The following CLCN3 variants were observed in gnomAD, a reference collection of about 807,000 sequenced individuals.
CLCN3 encodes H(+)/Cl(-) exchange transporter 3.
In CLCN3, 16 loss-of-function variants were observed where a neutral mutation model predicts 83.4. That is an observed-to-expected ratio of 0.19 (90% confidence interval 0.13 to 0.29). The LOEUF is 0.29. Among genes scored for constraint, CLCN3 ranks in the 10% least tolerant of loss-of-function variants. The pLI is 1.00. For missense variants in CLCN3, 544 were observed against 1,006.0 expected (o/e 0.54, Z 6.21); for synonymous variants, 322 against 346.2 (o/e 0.93, Z 0.78).
At chr4:169,661,774 C>T (rs185962098) in intron 2 of CLCN3, among the ~76,000 whole-genome samples, 12 of 152,204 alleles carry the variant, frequency 7.9e-5, no homozygotes, top group Admixed American at 3.9e-4. Flanking sequence ...CTTGTAATCA[C>T]ACCACCCAGA....
At chr4:169,653,336 C>T (rs1156708324) in intron 2 of CLCN3, among the ~76,000 whole-genome samples, 1 of 151,822 alleles carries the variant, frequency 6.6e-6, no homozygotes, top group African/African-American at 2.4e-5. Context: ...TGAGGCCGGA[C>T]AATTTATAAA....
chr4:169,635,869 T>C, intron 1 of CLCN3, 44 bp from the exon 2 acceptor site: 1 of 1,442,156 alleles, frequency 6.9e-7, no homozygotes, highest in Non-Finnish European at 9.3e-7. Flanking sequence ...ATGATTTTTA[T>C]TGTATGTTTG....
chr4:169,702,824 T>C, intron 9 of CLCN3: 2 of 286,796 alleles, frequency 7.0e-6, no homozygotes, highest in South Asian at 3.4e-5. Flanking sequence ...GGTGCACGCC[T>C]GTAGTCCCAG....
intron 2 of CLCN3, among the ~76,000 whole-genome samples, chr4:169,649,527 G>T (rs1730674506): frequency 6.6e-6 from 1 of 152,194 alleles, no homozygotes. Flanking sequence ...ATTCAAAATA[G>T]ATTTAGGAGT....
chr4:169,660,138 A>G (rs2150218798), intron 2 of CLCN3: 1 of 1,106,708 alleles, frequency 9.0e-7, no homozygotes, highest in Non-Finnish European at 1.1e-6. Context: ...TGCCGCCTCT[A>G]AGCCTTGCTA....
At chr4:169,673,310 CCA>C (rs1731549917) in intron 2 of CLCN3, among the ~76,000 whole-genome samples, 1 of 152,182 alleles carries the variant, frequency 6.6e-6, no homozygotes, top group Admixed American at 6.5e-5. Context: ...TGAGTAGTTT[CCA>C]CAGAGTAATT....
intron 12 of CLCN3, among the ~76,000 whole-genome samples, chr4:169,715,313 A>G (rs1229593160): frequency 6.6e-6 from 1 of 152,160 alleles, no homozygotes; most frequent in East Asian, 1.9e-4. Flanking sequence ...CTGCCTGTTC[A>G]TATGAAAAAA....
chr4:169,659,930 T>A (rs1044430239), intron 2 of CLCN3: 4 of 509,466 alleles, frequency 7.9e-6, no homozygotes, highest in Admixed American at 1.3e-4. Flanking sequence ...AATTTCCTTT[T>A]TACATCTCTG....
At chr4:169,638,108 T>C (rs887921011) in intron 2 of CLCN3, among the ~76,000 whole-genome samples, 1 of 152,196 alleles carries the variant, frequency 6.6e-6, no homozygotes, top group African/African-American at 2.4e-5. Context: ...GTTTGTCACA[T>C]CTGTTCTTTC....
intron 2 of CLCN3, chr4:169,663,510 A>T (rs1243055674): frequency 5.1e-4 from 125 of 246,018 alleles, no homozygotes; most frequent in Middle Eastern, 1.5e-3. Flanking sequence ...AAAAAACAAA[A>T]TTTTTTTTTT....
In CLCN3 at chr4:169,620,952, C is replaced by T. The variant is rs1773096922; in HGVS notation, c.-128C>T. The T allele has an allele frequency of 2.5e-6, 1 of 398,518 alleles. No individual in the cohort carries two copies. The highest frequency in any genetic ancestry group is 3.6e-5 in the East Asian group (1 of 28,068). 24.7% of individuals were successfully genotyped at this position (398,518 alleles called of 1,614,324 possible). A position where few individuals can be genotyped will look rare whatever the true frequency, so the allele number is the denominator to read the frequency against. On this transcript the variant is annotated 5_prime_UTR_variant, in exon 1 of 13. Coordinates refer to ENST00000513761, the MANE Select transcript of CLCN3 (RefSeq NM_001829.4). Reference sequence around the variant, plus strand: ...TCGCGATAGTTTTCGCTGTGTCAGGCTTTCTTCGGTGGAGCTCCGAGGGTA... The same window carrying T: ...TCGCGATAGTTTTCGCTGTGTCAGGTTTTCTTCGGTGGAGCTCCGAGGGTA...
intron 11 of CLCN3, among the ~76,000 whole-genome samples, chr4:169,707,923 T>C (rs1410340249): frequency 6.6e-6 from 1 of 152,250 alleles, no homozygotes; most frequent in Admixed American, 6.5e-5. Context: ...GTTCTGTTTC[T>C]CTAAAATTTG....
chr4:169,675,721 A>G (rs1349334102), intron 2 of CLCN3, among the ~76,000 whole-genome samples: 3 of 152,186 alleles, frequency 2.0e-5, no homozygotes, highest in Non-Finnish European at 2.9e-5. Context: ...GAAAAAATTT[A>G]AATGTTTCTT....
intron 2 of CLCN3, among the ~76,000 whole-genome samples, chr4:169,672,528 A>G (rs1333637683): frequency 6.6e-6 from 1 of 152,172 alleles, no homozygotes; most frequent in East Asian, 1.9e-4. Context: ...TAAAAGATAC[A>G]TCCTTTATTC....
At position 169,720,197 on chromosome 4, in the gene CLCN3, G is replaced by A. The variant is rs1248731476; in HGVS notation, c.*200G>A. On this transcript the variant is annotated 3_prime_UTR_variant, in exon 13 of 13. Transcript: ENST00000513761. ...GAGTTGTTTGGGGAGGGAAAGGAGA[G>A]AGAAGGAAAGGAGTGAGGTATTTCC... 1 of 712,906 alleles carries A rather than the reference G, an allele frequency of 1.4e-6. No individual in the cohort carries two copies. The highest frequency in any genetic ancestry group is 1.9e-5 in the South Asian group (1 of 51,772). 44.2% of individuals were successfully genotyped at this position (712,906 alleles called of 1,614,324 possible).
chr4:169,634,334 G>T lies in CLCN3; in HGVS notation c.-16-1579G>T, dbSNP rs1773453353. Among the ~76,000 whole-genome samples, 2 of 152,164 alleles carry T rather than the reference G, an allele frequency of 1.3e-5. 1 individual carries two copies. The highest frequency in any genetic ancestry group is 4.1e-4 in the South Asian group (2 of 4,826). ...TATTCTGTAAAGAAATAAAAACAGA[G>T]TGTCTGTGTTCTTCACAAAAATCTT... On this transcript the variant is annotated intron_variant, in intron 1 of 12. Coordinates refer to ENST00000513761, the MANE Select transcript of CLCN3 (RefSeq NM_001829.4).
intron 2 of CLCN3, among the ~76,000 whole-genome samples, chr4:169,637,833 C>A (rs530131686): frequency 6.6e-6 from 1 of 152,076 alleles, no homozygotes; most frequent in Non-Finnish European, 1.5e-5. Context: ...TGACCCCACA[C>A]CATTTGTTGG....
At chr4:169,637,601 A>C (rs1581193576) in intron 2 of CLCN3, among the ~76,000 whole-genome samples, 1 of 150,460 alleles carries the variant, frequency 6.6e-6, no homozygotes, top group African/African-American at 2.5e-5. Flanking sequence ...ACCACCAACA[A>C]CAACAACAAA....
chr4:169,645,597 A>G (rs570330864), intron 2 of CLCN3, among the ~76,000 whole-genome samples: 1 of 152,290 alleles, frequency 6.6e-6, no homozygotes, highest in East Asian at 1.9e-4. Flanking sequence ...TTTTGTCCAT[A>G]TGGTAATTGG....
Sources: allele counts gnomAD v4.1 joint callset (sites outside exome capture counted in the v4.1 genomes callset), GRCh38; gene constraint gnomAD v4.1.1; transcripts MANE v1.5; gene names NCBI Gene and HGNC (gene_info 2026-07-23, HGNC 2026-07-21).